DIAPH3: variants seen among roughly 807,000 people sequenced by gnomAD.
DIAPH3 encodes protein diaphanous homolog 3.
Under a neutral mutation model 144.3 loss-of-function variants are expected in DIAPH3, and 117 were observed. That is an observed-to-expected ratio of 0.81 (90% CI 0.70 to 0.95). The LOEUF (loss-of-function observed/expected upper bound fraction) is 0.95, where lower values mean the gene tolerates loss of function less well. Ranked by LOEUF, DIAPH3 falls within the 40% of genes least tolerant of loss-of-function variation. The pLI is 0.00. For missense variants in DIAPH3, 1,421 were observed against 1,412.7 expected (o/e 1.01, Z -0.09); for synonymous variants, 519 against 488.9 (o/e 1.06, Z -0.81).
intron 24 of DIAPH3, among the ~76,000 whole-genome samples, chr13:59,825,922 G>C (rs2139671294): frequency 6.6e-6 from 1 of 152,108 alleles, no homozygotes; most frequent in East Asian, 1.9e-4. Context: ...CAAAACCAAA[G>C]ACAAAAACCA....
At chr13:59,703,203 C>T (rs1238980604) in intron 27 of DIAPH3, among the ~76,000 whole-genome samples, 1 of 152,124 alleles carries the variant, frequency 6.6e-6, no homozygotes. Flanking sequence ...TGGTGAAGTG[C>T]AAAATGCACA....
intron 4 of DIAPH3, among the ~76,000 whole-genome samples, chr13:60,052,589 T>A (rs1041680905): frequency 9.2e-5 from 14 of 152,140 alleles, no homozygotes; most frequent in African/African-American, 3.4e-4. Flanking sequence ...GAATACACCC[T>A]ACAGGGCAGT....
intron 4 of DIAPH3, among the ~76,000 whole-genome samples, chr13:60,075,551 C>T (rs187573398): frequency 6.6e-6 from 1 of 152,212 alleles, no homozygotes; most frequent in East Asian, 1.9e-4. Context: ...TTTCAGATAA[C>T]TTATCTAGCC....
At chr13:59,718,791 A>T (rs2035193233) in intron 27 of DIAPH3, among the ~76,000 whole-genome samples, 2 of 152,262 alleles carry the variant, frequency 1.3e-5, no homozygotes, top group South Asian at 2.1e-4. Flanking sequence ...AGAAGGTAAT[A>T]TTTTGAACTG....
intron 21 of DIAPH3, among the ~76,000 whole-genome samples, chr13:59,877,183 C>CA (rs141654442): frequency 0.017 from 2,603 of 152,130 alleles, 66 homozygotes; most frequent in East Asian, 0.098. Context: ...AGAATAACAA[C>CA]AAAAAACCCC....
chr13:59,926,466 G>T (rs2047759248), intron 17 of DIAPH3, among the ~76,000 whole-genome samples: 1 of 151,876 alleles, frequency 6.6e-6, no homozygotes, highest in Non-Finnish European at 1.5e-5. Context: ...TTCCCTCCTA[G>T]TACTGTTTGT....
intron 20 of DIAPH3, among the ~76,000 whole-genome samples, chr13:59,892,475 A>C (rs1201908199): frequency 6.6e-6 from 1 of 152,008 alleles, no homozygotes; most frequent in Non-Finnish European, 1.5e-5. Context: ...GGAAGAAAGG[A>C]AGTGATTTCA....
rs527997809 is a variant in DIAPH3, at chr13:60,162,361, CAG to C, written c.180+1224_180+1225del. Reference sequence around the variant, plus strand: ...ACAAAATAAAATAAGATTATTAACCCAGAGAGTAGACTATAAAAGGAAGAAAA... The same window carrying C: ...ACAAAATAAAATAAGATTATTAACCCAGAGTAGACTATAAAAGGAAGAAAA... On this transcript the variant is annotated intron_variant, in intron 1 of 27. Coordinates refer to ENST00000400324, the MANE Select transcript of DIAPH3 (RefSeq NM_001042517.2). Among the ~76,000 whole-genome samples the C allele has an allele frequency of 8.4e-3, 1,276 of 152,232 alleles. 10 individuals are homozygous for C. Among genetic ancestry groups the C allele is most frequent in the Non-Finnish European group, 0.014 (981 of 68,006 alleles).
chr13:59,733,601 G>T (rs2035993171), intron 27 of DIAPH3, among the ~76,000 whole-genome samples: 1 of 152,232 alleles, frequency 6.6e-6, no homozygotes, highest in South Asian at 2.1e-4. Flanking sequence ...TTGTATTAAA[G>T]TCTTCTGTAC....
intron 27 of DIAPH3, among the ~76,000 whole-genome samples, chr13:59,753,746 A>G (rs1159355112): frequency 1.3e-5 from 2 of 152,172 alleles, no homozygotes; most frequent in African/African-American, 4.8e-5. Context: ...CAGAATTGTA[A>G]AAGTGCCAGC....
chr13:60,070,435 T>A (rs1054192489), intron 4 of DIAPH3, among the ~76,000 whole-genome samples: 1 of 152,012 alleles, frequency 6.6e-6, no homozygotes, highest in Non-Finnish European at 1.5e-5. Flanking sequence ...TAAAAACAGT[T>A]TTAGGGTTTA....
At chr13:59,786,652 G>A (rs2039044500) in intron 25 of DIAPH3, among the ~76,000 whole-genome samples, 1 of 152,068 alleles carries the variant, frequency 6.6e-6, no homozygotes, top group Non-Finnish European at 1.5e-5. Context: ...ACAAAAATAA[G>A]GAGATATATC....
chr13:59,940,969 T>A (rs1388102329), intron 17 of DIAPH3, among the ~76,000 whole-genome samples: 1 of 152,194 alleles, frequency 6.6e-6, no homozygotes, highest in Non-Finnish European at 1.5e-5. Flanking sequence ...TAACTGGAGA[T>A]TAATATTTTT....
At chr13:59,987,968 T>C (rs2051537405) in intron 12 of DIAPH3, among the ~76,000 whole-genome samples, 1 of 151,858 alleles carries the variant, frequency 6.6e-6, no homozygotes, top group Admixed American at 6.6e-5. Flanking sequence ...CCTTAATGAC[T>C]TTTAACATAC....
At chr13:59,853,048 T>C (rs967363434) in intron 22 of DIAPH3, among the ~76,000 whole-genome samples, 1 of 152,166 alleles carries the variant, frequency 6.6e-6, no homozygotes, top group Non-Finnish European at 1.5e-5. Context: ...GGTTAAGTAC[T>C]AATATTGCAC....
intron 4 of DIAPH3, among the ~76,000 whole-genome samples, chr13:60,069,446 G>A (rs1388430265): frequency 6.6e-6 from 1 of 151,968 alleles, no homozygotes; most frequent in Non-Finnish European, 1.5e-5. Context: ...CTCTCTTGAT[G>A]GTTTCTTTTG....
Position 59,752,367 on chromosome 13 carries a change from AT to A in DIAPH3, c.3319+21821del, listed in dbSNP as rs57731997. On this transcript the variant is annotated intron_variant, in intron 27 of 27. Coordinates refer to ENST00000400324, the MANE Select transcript of DIAPH3 (RefSeq NM_001042517.2). ...ACCACAATAAGCAATAATGTAGTCA[AT>A]TTTTTTTTTTTTTTTTTGAGACACA... Among the ~76,000 whole-genome samples the A allele has an allele frequency of 7.5e-3, 1,048 of 139,442 alleles. 3 individuals carry two copies. The highest frequency in any genetic ancestry group is 0.017 in the African/African-American group (639 of 37,924). The allele number at this position is 139,442 out of a possible 152,430, so 91.5% of individuals were successfully genotyped here.
intron 2 of DIAPH3, among the ~76,000 whole-genome samples, chr13:60,127,686 A>G (rs985320031): frequency 3.3e-5 from 5 of 152,192 alleles, no homozygotes; most frequent in African/African-American, 9.6e-5. Flanking sequence ...AAACTGAACT[A>G]TAGTTCAGAA....
At chr13:59,923,766 G>A (rs1394747924) in intron 18 of DIAPH3, among the ~76,000 whole-genome samples, 1 of 152,140 alleles carries the variant, frequency 6.6e-6, no homozygotes, top group South Asian at 2.1e-4. Context: ...ATACACCAAT[G>A]CCGCCATACT....
Sources: gnomAD v4.1 joint callset for allele counts (sites outside exome capture counted in the v4.1 genomes callset) on GRCh38, gnomAD v4.1.1 for gene constraint, MANE v1.5 for transcripts, NCBI Gene and HGNC (gene_info 2026-07-23, HGNC 2026-07-21) for gene names.